The following ZNF831 variants were observed in gnomAD, a reference collection of about 807,000 sequenced individuals.
The protein encoded by ZNF831 is chromosome 20 open reading frame 174.
ZNF831 carries 59 observed loss-of-function variants against 95.8 expected under a neutral mutation model. The ratio of observed to expected loss-of-function variants is 0.62; its 90% confidence interval spans 0.50 to 0.77. ZNF831 has a LOEUF of 0.77. Ranked by LOEUF, ZNF831 falls within the 30% of genes least tolerant of loss-of-function variation. The pLI, the probability that ZNF831 is intolerant of heterozygous loss-of-function variation, is 0.00. For synonymous variants in ZNF831, 961 were observed against 925.5 expected, an observed-to-expected ratio of 1.04 and a Z score of -0.70; for missense variants, 2,205 against 2,164.0, an observed-to-expected ratio of 1.02 and a Z score of -0.38.
chr20:59,249,929 T>C (rs952614392), intron 4 of ZNF831, among the ~76,000 whole-genome samples: 15 of 152,294 alleles, frequency 9.8e-5, no homozygotes, highest in Non-Finnish European at 2.2e-4. Context: ...TGCCACCAGT[T>C]TGAAAACTGG....
chr20:59,226,576 A>G (rs1986445289), intron 4 of ZNF831, among the ~76,000 whole-genome samples: 1 of 151,652 alleles, frequency 6.6e-6, no homozygotes, highest in South Asian at 2.1e-4. Context: ...CTCAACACAA[A>G]GACTGAAAAT....
intron 3 of ZNF831, among the ~76,000 whole-genome samples, chr20:59,205,492 C>T (rs1436836855): frequency 6.6e-6 from 1 of 152,212 alleles, no homozygotes; most frequent in African/African-American, 2.4e-5. Flanking sequence ...CTCCCAAACA[C>T]AGAGGCCGGA....
intron 4 of ZNF831, among the ~76,000 whole-genome samples, chr20:59,226,458 T>C (rs1409836545): frequency 6.6e-6 from 1 of 152,050 alleles, no homozygotes; most frequent in Admixed American, 6.6e-5. Context: ...ACATTTTTCT[T>C]GAGAGTACCC....
rs1172512023 is a variant in ZNF831 at position 59,208,193 on chromosome 20, C to T, written c.4027+1137C>T. Among the ~76,000 whole-genome samples, 2 of 152,234 alleles carry T rather than the reference C, an allele frequency of 1.3e-5. No homozygotes were observed. The highest frequency in any genetic ancestry group is 2.9e-5 in the Non-Finnish European group (2 of 68,040). On this transcript the variant is annotated intron_variant, in intron 4 of 5. Transcript: ENST00000371030. The surrounding 1 kb of genome is among the most constrained non-coding windows in gnomAD (Gnocchi z 4.2). The stretch of plus-strand genomic sequence containing the variant: ...GGGGTTGGGTAGGTGGAAATTCCAT[C>T]AAGAAGCTGGCTCTGAGCTCTCTTC...
At chr20:59,153,643 G>A (rs1343141319) in intron 2 of ZNF831, among the ~76,000 whole-genome samples, 6 of 149,214 alleles carry the variant, frequency 4.0e-5, no homozygotes, top group African/African-American at 1.5e-4. Flanking sequence ...GGGGGCTGGT[G>A]ACCCCATCAA....
At chr20:59,183,745 T>C (rs1318578642) in intron 1 of ZNF831, among the ~76,000 whole-genome samples, 1 of 152,230 alleles carries the variant, frequency 6.6e-6, no homozygotes, top group Non-Finnish European at 1.5e-5. Context: ...AGACAATTTT[T>C]AAGAGTAGTT....
intron 1 of ZNF831, among the ~76,000 whole-genome samples, chr20:59,129,507 T>C (rs112887356): frequency 0.12 from 18,351 of 152,116 alleles, 1,230 homozygotes; most frequent in African/African-American, 0.16. Flanking sequence ...CCTGTAATCC[T>C]AGCTACTCAG....
chr20:59,143,095 C>T (rs187624630), intron 1 of ZNF831, among the ~76,000 whole-genome samples: 23 of 152,286 alleles, frequency 1.5e-4, no homozygotes, highest in Non-Finnish European at 2.4e-4. Flanking sequence ...GATGGGGTCT[C>T]GCTCTGTTGC....
intron 1 of ZNF831, among the ~76,000 whole-genome samples, chr20:59,141,184 G>A (rs1017280169): frequency 1.3e-5 from 2 of 152,202 alleles, no homozygotes; most frequent in African/African-American, 2.4e-5. Context: ...ACAGGCATGA[G>A]CCATGGCACC....
Position 59,191,200 on chromosome 20 carries a change from C to T in ZNF831, c.181C>T (p.Pro61Ser), listed in dbSNP as rs2146544057. The change falls in exon 2 of 6, where the codon CCA becomes TCA. Residue 61 changes from proline to serine, a missense_variant. Transcript: ENST00000371030. ...PTVFLKALPI[P>S]LYHTVPPGGL... The stretch of plus-strand genomic sequence containing the variant: ...TGTGTTCCTGAAGGCCCTGCCCATC[C>T]CACTGTACCACACGGTGCCTCCCGG... 1 of 1,586,958 alleles carries T rather than the reference C, an allele frequency of 6.3e-7. No homozygotes were observed. Among genetic ancestry groups the T allele is most frequent in the Non-Finnish European group, 8.5e-7 (1 of 1,169,750 alleles).
At chr20:59,240,140 C>A (rs1320968576) in intron 4 of ZNF831, among the ~76,000 whole-genome samples, 1 of 151,456 alleles carries the variant, frequency 6.6e-6, no homozygotes, top group Non-Finnish European at 1.5e-5. Flanking sequence ...CCACAGTCCC[C>A]CAGCTGCTGT....
In ZNF831 at chr20:59,138,328, G is replaced by A. The variant is rs118110820; in HGVS notation, c.-1424-7903G>A. ...ACTGGGCTTTAGGATGGGTCTCCCC[G>A]CTTTCCATGGTGCTGACAGGCTCCT... is the stretch of plus-strand genomic sequence containing the variant. On this transcript the variant is annotated intron_variant, in intron 1 of 7. Coordinates refer to the ZNF831 transcript ENST00000637017. Among the ~76,000 whole-genome samples the A allele has an allele frequency of 1.0e-3, 151 of 151,172 alleles. 2 individuals carry two copies. The East Asian group carries it at 0.02, about 20-fold the overall frequency.
At chr20:59,138,126 T>G (rs140446523) in intron 1 of ZNF831, among the ~76,000 whole-genome samples, 1 of 152,336 alleles carries the variant, frequency 6.6e-6, no homozygotes, top group African/African-American at 2.4e-5. Flanking sequence ...TTTGGAGCAT[T>G]TTGGAAGACT....
In ZNF831 at chr20:59,256,952, A is replaced by G. The variant is rs1237681610; in HGVS notation, c.*2209A>G. The G allele has an allele frequency of 6.6e-6, 1 of 152,264 alleles. No homozygotes were observed. The highest frequency in any genetic ancestry group is 6.5e-5 in the Admixed American group (1 of 15,286). The allele number at this position is 152,264 out of a possible 1,614,324, so 9.4% of individuals were successfully genotyped here. On this transcript the variant is annotated 3_prime_UTR_variant, in exon 6 of 6. Coordinates refer to ENST00000371030, the MANE Select transcript of ZNF831 (RefSeq NM_178457.3). ...ATGGAGAAAACCTATCTGTAGGCTG[A>G]ACTGGCTCCTTTGTCTTAGGAGGCA...
upstream of ZNF831, chr20:59,160,821 C>G (rs1393215594): frequency 1.4e-5 from 2 of 146,496 alleles, no homozygotes; most frequent in Non-Finnish European, 3.0e-5. Context: ...TTTTTTCTAG[C>G]TGCATGAGGT....
chr20:59,149,929 G>GGAC (rs1448621448), intron 2 of ZNF831, among the ~76,000 whole-genome samples: 1 of 152,214 alleles, frequency 6.6e-6, no homozygotes, highest in Admixed American at 6.5e-5. Context: ...CTCAATGGCT[G>GGAC]GACCCCCATC....
intron 1 of ZNF831, among the ~76,000 whole-genome samples, chr20:59,145,431 G>T (rs896240570): frequency 6.6e-6 from 1 of 152,146 alleles, no homozygotes; most frequent in Admixed American, 6.5e-5. Context: ...GCCTTTACCT[G>T]GTAATGTGCT....
chr20:59,197,267 T>C (rs1601384007), intron 3 of ZNF831, among the ~76,000 whole-genome samples: 1 of 152,198 alleles, frequency 6.6e-6, no homozygotes, highest in East Asian at 1.9e-4. Context: ...ATGGGGCACT[T>C]GCTGTGTGCC....
At chr20:59,226,358 G>T (rs1426003768) in intron 4 of ZNF831, among the ~76,000 whole-genome samples, 1 of 151,946 alleles carries the variant, frequency 6.6e-6, no homozygotes, top group Non-Finnish European at 1.5e-5. Context: ...GGATGCTGTT[G>T]GTGTCCTGTC....
Sources: gnomAD v4.1 joint callset for allele counts (sites outside exome capture counted in the v4.1 genomes callset) on GRCh38, gnomAD v4.1.1 for gene constraint, Gnocchi (gnomAD v3.1) non-coding constraint, MANE v1.5 for transcripts, NCBI Gene and HGNC (gene_info 2026-07-23, HGNC 2026-07-21) for gene names.